SUPT3H: variants seen among roughly 807,000 people sequenced by gnomAD.
SUPT3H encodes SPT3 homolog, SAGA and STAGA complex component.
Under a neutral mutation model 44.3 loss-of-function variants are expected in SUPT3H, and 44 were observed. The observed-to-expected ratio is 0.99, with a 90% confidence interval of 0.78 to 1.28. SUPT3H has a LOEUF of 1.28. Among genes scored for constraint, SUPT3H ranks in the 50% most tolerant of loss-of-function variants. SUPT3H has a pLI of 0.00. For missense variants in SUPT3H, 380 were observed against 387.1 expected (o/e 0.98, Z 0.15); for synonymous variants, 124 against 125.6 (o/e 0.99, Z 0.09).
chr6:44,915,535 TG>T (rs1326512691), intron 10 of SUPT3H, among the ~76,000 whole-genome samples: 1 of 152,162 alleles, frequency 6.6e-6, no homozygotes, highest in Non-Finnish European at 1.5e-5. Context: ...CATGCCATGA[TG>T]GGAAGTGGGG....
At chr6:45,273,028 T>C (rs1776453484) in intron 2 of SUPT3H, among the ~76,000 whole-genome samples, 1 of 152,254 alleles carries the variant, frequency 6.6e-6, no homozygotes, top group Non-Finnish European at 1.5e-5. Context: ...CTTTGAGATC[T>C]TGAGCCCATT....
chr6:44,998,665 CTTAT>C (rs946265555), intron 6 of SUPT3H, among the ~76,000 whole-genome samples: 1 of 151,670 alleles, frequency 6.6e-6, no homozygotes, highest in Non-Finnish European at 1.5e-5. Context: ...TTTTATTTTT[CTTAT>C]TTAGAGGTGA....
chr6:45,185,375 A>G (rs954048492), intron 2 of SUPT3H, among the ~76,000 whole-genome samples: 1 of 152,190 alleles, frequency 6.6e-6, no homozygotes, highest in African/African-American at 2.4e-5. Context: ...TGCCCAATGG[A>G]AGCTGGGTCT....
chr6:45,155,803 C>G (rs767326059), intron 2 of SUPT3H, among the ~76,000 whole-genome samples: 1 of 151,990 alleles, frequency 6.6e-6, no homozygotes, highest in Non-Finnish European at 1.5e-5. Flanking sequence ...CAGGAAAACC[C>G]CCACATATTA....
At chr6:45,225,095 A>G (rs577890644) in intron 2 of SUPT3H, among the ~76,000 whole-genome samples, 2 of 152,038 alleles carry the variant, frequency 1.3e-5, no homozygotes, top group East Asian at 1.9e-4. Flanking sequence ...CCTGACCAAC[A>G]TGGTGAAATC....
chr6:45,265,187 A>G (rs1775052587), intron 2 of SUPT3H, among the ~76,000 whole-genome samples: 1 of 152,150 alleles, frequency 6.6e-6, no homozygotes, highest in Non-Finnish European at 1.5e-5. Context: ...AGGACACCTA[A>G]TATTATCAGT....
intron 2 of SUPT3H, among the ~76,000 whole-genome samples, chr6:45,275,275 C>T (rs1385762522): frequency 6.6e-6 from 1 of 152,030 alleles, no homozygotes; most frequent in African/African-American, 2.4e-5. Context: ...GGTCTGCTTA[C>T]TTGTTTCATG....
At chr6:45,097,702 C>T (rs144586575) in intron 3 of SUPT3H, 1 of 152,330 alleles carries the variant, frequency 6.6e-6, no homozygotes, top group African/African-American at 2.4e-5. Context: ...TTCTACAAAA[C>T]AGTAACAACA....
At chr6:45,106,170 G>A (rs1346916024) in intron 2 of SUPT3H, among the ~76,000 whole-genome samples, 164 bp from the exon 3 acceptor site, 2 of 152,288 alleles carry the variant, frequency 1.3e-5, no homozygotes, top group South Asian at 2.1e-4. Flanking sequence ...GGTGGCTCAC[G>A]CCTTTAATCT....
chr6:44,870,840 C>T (rs531578776), intron 10 of SUPT3H, among the ~76,000 whole-genome samples: 19 of 151,696 alleles, frequency 1.3e-4, no homozygotes, highest in Admixed American at 2.0e-4. Flanking sequence ...ACCTGGGAAG[C>T]GCAAGGGGTC....
rs1785571452 is a variant in SUPT3H, at chr6:45,322,026, C to T, written c.101+43175G>A. The T allele has an allele frequency of 1.2e-5, 7 of 563,328 alleles. No individual in the cohort carries two copies. In the South Asian group the frequency reaches 1.5e-4, roughly 12 times the overall value. The allele number at this position is 563,328 out of a possible 1,614,324, so 34.9% of individuals were successfully genotyped here. On this transcript the variant is annotated intron_variant, in intron 2 of 10. Transcript: ENST00000371459. The stretch of plus-strand genomic sequence containing the variant: ...CCAAGAAGTTTTAATATTGTTAATA[C>T]TAATAACTTAATAAGAATCATGAAT...
At chr6:44,926,786 T>G (rs560009446) in intron 10 of SUPT3H, among the ~76,000 whole-genome samples, 1 of 152,328 alleles carries the variant, frequency 6.6e-6, no homozygotes, top group East Asian at 1.9e-4. Flanking sequence ...CAGTGCATGA[T>G]GCATGAGTGC....
intron 10 of SUPT3H, among the ~76,000 whole-genome samples, chr6:44,880,906 C>T (rs1374422317): frequency 6.6e-6 from 1 of 152,178 alleles, no homozygotes; most frequent in Admixed American, 6.5e-5. Context: ...GCCTACGTTA[C>T]AAGAGCTCCT....
chr6:44,855,352 G>T (rs1040255520), intron 10 of SUPT3H, among the ~76,000 whole-genome samples: 1 of 152,142 alleles, frequency 6.6e-6, no homozygotes, highest in Non-Finnish European at 1.5e-5. Flanking sequence ...TAACAGATAA[G>T]GGGTAGCAGA....
intron 3 of SUPT3H, among the ~76,000 whole-genome samples, chr6:45,044,191 G>A (rs1789020452): frequency 6.6e-6 from 1 of 152,244 alleles, no homozygotes; most frequent in Non-Finnish European, 1.5e-5. Flanking sequence ...AAGCCTCTGT[G>A]CCAATCTCTA....
intron 2 of SUPT3H, among the ~76,000 whole-genome samples, chr6:45,144,120 A>G (rs1192200767): frequency 6.6e-6 from 1 of 152,152 alleles, no homozygotes; most frequent in African/African-American, 2.4e-5. Flanking sequence ...CAGCCATTCA[A>G]AGAAGAACTG....
intron 10 of SUPT3H, among the ~76,000 whole-genome samples, chr6:44,882,863 C>G (rs1778478695): frequency 6.6e-6 from 1 of 152,132 alleles, no homozygotes; most frequent in Admixed American, 6.6e-5. Context: ...TCTCAATAAA[C>G]TAGGTATTGA....
intron 1 of SUPT3H, among the ~76,000 whole-genome samples, chr6:45,368,794 T>C (rs1242800268): frequency 6.6e-6 from 1 of 152,118 alleles, no homozygotes; most frequent in Non-Finnish European, 1.5e-5. Context: ...AACCTGAACA[T>C]CTCACATAAT....
At chr6:45,182,542 G>T (rs941908327) in intron 2 of SUPT3H, among the ~76,000 whole-genome samples, 1 of 152,220 alleles carries the variant, frequency 6.6e-6, no homozygotes, top group African/African-American at 2.4e-5. Flanking sequence ...GATTACAGGC[G>T]TGAGCCACCG....
Sources: gnomAD v4.1 joint callset for allele counts (sites outside exome capture counted in the v4.1 genomes callset) on GRCh38, gnomAD v4.1.1 for gene constraint, MANE v1.5 for transcripts, NCBI Gene and HGNC (gene_info 2026-07-23, HGNC 2026-07-21) for gene names.